Variants in NSD2 observed in about 807,000 individuals in gnomAD.
NSD2 encodes nuclear receptor binding SET domain protein 2.
In NSD2, 12 loss-of-function variants were observed where a neutral mutation model predicts 139.0. The ratio of observed to expected loss-of-function variants is 0.09; its 90% confidence interval spans 0.06 to 0.14. The LOEUF (loss-of-function observed/expected upper bound fraction) is 0.14. Among genes scored for constraint, NSD2 ranks in the 10% least tolerant of loss-of-function variants. NSD2 has a pLI of 1.00. For synonymous variants in NSD2, 669 were observed against 648.7 expected, an observed-to-expected ratio of 1.03 and a Z score of -0.48; for missense variants, 1,155 against 1,745.0, an observed-to-expected ratio of 0.66 and a Z score of 6.02.
At chr4:1,894,487 A>T (rs112238235) in intron 1 of NSD2, among the ~76,000 whole-genome samples, 141 of 152,132 alleles carry the variant, frequency 9.3e-4, no homozygotes, top group African/African-American at 3.3e-3. Context: ...AGCCTGGGCA[A>T]TGTGGTGAAA....
At chr4:1,896,476 C>T (rs1046410218) in intron 1 of NSD2, among the ~76,000 whole-genome samples, 1 of 152,244 alleles carries the variant, frequency 6.6e-6, no homozygotes, top group Non-Finnish European at 1.5e-5. Flanking sequence ...CCAAGCCATC[C>T]TCACACCTCA....
chr4:1,884,426 C>G (rs1162075382), intron 1 of NSD2, among the ~76,000 whole-genome samples: 1 of 151,810 alleles, frequency 6.6e-6, no homozygotes, highest in Admixed American at 6.6e-5. Flanking sequence ...CGGAGTTGTG[C>G]CCTGTCACCC....
intron 1 of NSD2, among the ~76,000 whole-genome samples, chr4:1,880,096 A>G (rs1241616452): frequency 6.6e-6 from 1 of 152,112 alleles, no homozygotes; most frequent in African/African-American, 2.4e-5. Context: ...GAATTTCTAG[A>G]TTTTTGGTTA....
At position 1,974,865 on chromosome 4, in the gene NSD2, C is replaced by T. The variant is rs138599183; in HGVS notation, c.3375C>T (p.Asp1125=). The change falls in exon 19 of 22, where the codon GAC becomes GAT. Residue 1125 remains aspartate (D), a splice_region_variant and synonymous_variant. Coordinates refer to ENST00000508803, the MANE Select transcript of NSD2 (RefSeq NM_001042424.3). This position sits in a 1 kb window ranked among gnomAD's most constrained non-coding sequence, Gnocchi z 4.0. ...THFYMLTIDK[D]RIIDAGPKGN... ...GAATATATCACTTGACCTTACAGGA[C>T]CGTATAATAGACGCTGGCCCCAAAG... is the stretch of plus-strand genomic sequence containing the variant. The T allele has an allele frequency of 4.1e-4, 655 of 1,614,226 alleles. 1 individual carries two copies. In the African/African-American group the frequency reaches 7.9e-3, roughly 20 times the overall value.
intron 1 of NSD2, among the ~76,000 whole-genome samples, chr4:1,883,981 C>G (rs961432208): frequency 6.6e-6 from 1 of 152,216 alleles, no homozygotes; most frequent in Non-Finnish European, 1.5e-5. Flanking sequence ...ACAACTTATT[C>G]TTCCTTAAGT....
At chr4:1,885,034 C>T (rs558152010) in intron 1 of NSD2, among the ~76,000 whole-genome samples, 2 of 151,650 alleles carry the variant, frequency 1.3e-5, no homozygotes, top group South Asian at 2.1e-4. Flanking sequence ...CGCTTGAACC[C>T]GGGAGGCGGA....
intron 4 of NSD2, 101 bp from the exon 5 acceptor site, chr4:1,918,040 A>G (rs1461825636): frequency 9.9e-6 from 14 of 1,420,420 alleles, no homozygotes; most frequent in South Asian, 5.8e-5. Flanking sequence ...CTTGACACCC[A>G]TAAGTGCTGG....
At chr4:1,883,647 A>AG (rs1286088348) in intron 1 of NSD2, among the ~76,000 whole-genome samples, 1 of 151,820 alleles carries the variant, frequency 6.6e-6, no homozygotes, top group East Asian at 1.9e-4. Flanking sequence ...AAAAAAAAAA[A>AG]AAGCGTACCT....
chr4:1,951,752 T>C (rs956824227), intron 10 of NSD2, among the ~76,000 whole-genome samples: 4 of 152,200 alleles, frequency 2.6e-5, no homozygotes, highest in South Asian at 2.1e-4. Context: ...GAAGTGTGAA[T>C]ACTGCCTGCC....
At chr4:1,969,067 G>A (rs966176955) in intron 18 of NSD2, among the ~76,000 whole-genome samples, 2 of 152,194 alleles carry the variant, frequency 1.3e-5, no homozygotes. Context: ...CCGGACACAG[G>A]GGGTGCAGAG....
intron 8 of NSD2, chr4:1,939,441 G>A: frequency 3.4e-6 from 2 of 583,456 alleles, no homozygotes; most frequent in Non-Finnish European, 6.0e-6. Flanking sequence ...TGATGTTTTT[G>A]GGGGCCAAGT....
chr4:1,922,806 A>G (rs1318963697), intron 5 of NSD2, among the ~76,000 whole-genome samples: 3 of 152,194 alleles, frequency 2.0e-5, no homozygotes, highest in Non-Finnish European at 4.4e-5. Context: ...GGCGCCTGTA[A>G]TCCCAGCTAC....
intron 1 of NSD2, among the ~76,000 whole-genome samples, chr4:1,891,648 C>T (rs1222240007): frequency 6.6e-6 from 1 of 152,034 alleles, no homozygotes; most frequent in South Asian, 2.1e-4. Flanking sequence ...GTGAGGAGAT[C>T]GAGACCATCC....
intron 5 of NSD2, among the ~76,000 whole-genome samples, chr4:1,920,731 G>C (rs1720005920): frequency 6.6e-6 from 1 of 151,882 alleles, no homozygotes; most frequent in African/African-American, 2.4e-5. Context: ...GTGAGACTCT[G>C]TCTCATAAAA....
intron 7 of NSD2, 41 bp from the exon 8 acceptor site, chr4:1,938,410 T>C (rs1462233748): frequency 8.5e-7 from 1 of 1,183,060 alleles, no homozygotes; most frequent in Non-Finnish European, 1.1e-6. Flanking sequence ...TCTTTTTTTT[T>C]TCTTTCTTTT....
At chr4:1,877,159 T>C (rs973617089) in intron 1 of NSD2, among the ~76,000 whole-genome samples, 7 of 152,114 alleles carry the variant, frequency 4.6e-5, no homozygotes, top group South Asian at 2.1e-4. Context: ...AAAATTGTTA[T>C]GCTTTTAGAG....
At position 1,956,016 on chromosome 4, in the gene NSD2, T is replaced by C. The variant is rs1174637012; in HGVS notation, c.2709T>C (p.Asn903=). The part of the protein sequence containing the change: ...WWPAEVCHPK[N]VPPNIQKMKH... The stretch of plus-strand genomic sequence containing the variant: ...CGGCAGAAGTTTGCCATCCCAAAAA[T>C]GTTCCCCCAAATATTCAGAAAATGA... Residue 903 remains asparagine (N), a synonymous_variant, in exon 15 of 22, where the codon AAT becomes AAC. Coordinates refer to ENST00000508803, the MANE Select transcript of NSD2 (RefSeq NM_001042424.3). This position sits in a 1 kb window ranked among gnomAD's most constrained non-coding sequence, Gnocchi z 5.3. The C allele has an allele frequency of 6.2e-7, 1 of 1,614,010 alleles. No homozygotes were observed. The highest frequency in any genetic ancestry group is 8.5e-7 in the Non-Finnish European group (1 of 1,180,052).
chr4:1,917,150 C>CA, intron 4 of NSD2, 113 bp downstream of exon 4: 11 of 1,064,730 alleles, frequency 1.0e-5, no homozygotes, highest in Non-Finnish European at 1.4e-5. Context: ...AATGGCTTAA[C>CA]AATCTCTTTC....
At chr4:1,883,695 A>G (rs1380993649) in intron 1 of NSD2, among the ~76,000 whole-genome samples, 1 of 150,676 alleles carries the variant, frequency 6.6e-6, no homozygotes, top group African/African-American at 2.4e-5. Context: ...TGTTGTCCCC[A>G]TCTGCTCTCC....
Sources: allele counts gnomAD v4.1 joint callset (sites outside exome capture counted in the v4.1 genomes callset), GRCh38; gene constraint gnomAD v4.1.1; non-coding constraint Gnocchi (gnomAD v3.1); transcripts MANE v1.5; gene names NCBI Gene and HGNC (gene_info 2026-07-23, HGNC 2026-07-21).